Variants in HYOU1 observed in about 807,000 individuals in gnomAD.
HYOU1 encodes the protein hypoxia up-regulated protein 1.
HYOU1 carries 40 observed loss-of-function variants against 120.5 expected under a neutral mutation model. That is an observed-to-expected ratio of 0.33 (90% CI 0.26 to 0.43). The LOEUF is 0.43. HYOU1 is among the 20% of genes least tolerant of loss of function. The pLI is 1.00. For missense variants in HYOU1, 1,085 were observed against 1,278.3 expected (o/e 0.85, Z 2.31); for synonymous variants, 501 against 479.4 (o/e 1.05, Z -0.59).
intron 6 of HYOU1, 95 bp from the exon 7 acceptor site, chr11:119,054,770 T>C: frequency 3.0e-6 from 4 of 1,333,638 alleles, no homozygotes; most frequent in Non-Finnish European, 4.1e-6. Flanking sequence ...TAGGTAATTC[T>C]GTGTTGTGGG....
chr11:119,052,141 C>A lies in HYOU1; in HGVS notation c.1154G>T (p.Gly385Val). 6.2e-7 allele frequency: 1 copy of A among 1,614,162 alleles called. No homozygotes were observed. Among genetic ancestry groups the A allele is most frequent in the Non-Finnish European group, 8.5e-7 (1 of 1,180,016 alleles). ...CTGAACTCTGGGGACCCGAGTGGCC[C>A]CACCCACCAGGATCACCTGCTCAAT... is the stretch of plus-strand genomic sequence containing the variant. Reference protein sequence around the residue: ...DEIEQVILVGGATRVPRVQEV... With the variant: ...DEIEQVILVGVATRVPRVQEV... Residue 385 changes from glycine to valine, a missense_variant, in exon 11 of 26, where the codon GGG (glycine) becomes GTG (valine). This residue lies in a region of HYOU1 where 515 missense variants were observed against 677.8 expected (regional missense o/e 0.76). Coordinates refer to ENST00000617285, the MANE Select transcript of HYOU1 (RefSeq NM_006389.5). The surrounding 1 kb of genome is among the most constrained non-coding windows in gnomAD (Gnocchi z 5.0).
intron 7 of HYOU1, 48 bp from the exon 8 acceptor site, chr11:119,054,284 G>A: frequency 6.7e-7 from 1 of 1,490,830 alleles, no homozygotes; most frequent in Non-Finnish European, 9.3e-7. Flanking sequence ...TCAAACTCCA[G>A]GGGGCCTGCC....
chr11:119,046,692 C>A lies in HYOU1; in HGVS notation c.2706G>T (p.Val902=). The A allele has an allele frequency of 6.2e-7, 1 of 1,613,866 alleles. No homozygotes were observed. Among genetic ancestry groups the A allele is most frequent in the Non-Finnish European group, 8.5e-7 (1 of 1,180,038 alleles). Residue 902 remains valine (V), a synonymous_variant, in exon 23 of 26, where the codon GTG becomes GTT. Coordinates refer to ENST00000617285, the MANE Select transcript of HYOU1 (RefSeq NM_006389.5). The part of the protein sequence containing the change: ...EAKMMALDRE[V]QYLLNKAKFT... ...ACTTGGCCTTATTGAGCAGATACTG[C>A]ACCTCTCGGTCCAGGGCCATCATCT...
intron 2 of HYOU1, 63 bp downstream of exon 2, chr11:119,056,007 A>C (rs954184468): frequency 3.6e-5 from 54 of 1,496,306 alleles, no homozygotes; most frequent in Non-Finnish European, 4.9e-5. Context: ...CCCCAAGCTC[A>C]ATTCCCATCA....
rs2133589414 is a variant in HYOU1, at chr11:119,051,983, C to T, written c.1206-32G>A. 16 of 1,613,434 alleles carry T rather than the reference C, an allele frequency of 9.9e-6. No homozygotes were observed. The South Asian group carries it at 1.4e-4, about 14-fold the overall frequency. ...AAGCCCCAAGCCTCAGCACGGTCTA[C>T]CCTGGAGCATGCAACCGGGACTTCC... On this transcript the variant is annotated intron_variant, in intron 11 of 25. Transcript: ENST00000617285. The surrounding 1 kb of genome is among the most constrained non-coding windows in gnomAD (Gnocchi z 4.2).
chr11:119,055,823 C>G lies in HYOU1; in HGVS notation c.112G>C (p.Val38Leu). 6.2e-7 allele frequency: 1 copy of G among 1,614,126 alleles called. No homozygotes were observed. Among genetic ancestry groups the G allele is most frequent in the Non-Finnish European group, 8.5e-7 (1 of 1,179,944 alleles). Reference sequence around the variant, plus strand: ...TTCATGGACTCACTGCCCAGGTCCACAGACATCACTGCCAGTGTATCTGAA... The same window carrying G: ...TTCATGGACTCACTGCCCAGGTCCAGAGACATCACTGCCAGTGTATCTGAA... ...ALSDTLAVMS[V>L]DLGSESMKVA... The change falls in exon 3 of 26, where the codon GTG becomes CTG. Residue 38 changes from valine to leucine, a missense_variant. This residue lies in a region of HYOU1 where 45 missense variants were observed against 49.2 expected (regional missense o/e 0.91). Transcript: ENST00000617285. This position sits in a 1 kb window ranked among gnomAD's most constrained non-coding sequence, Gnocchi z 4.0.
At position 119,049,146 on chromosome 11, in the gene HYOU1, G is replaced by A; in HGVS notation, c.1864C>T (p.Leu622Phe). The A allele has an allele frequency of 6.2e-7, 1 of 1,613,088 alleles. No individual in the cohort carries two copies. Among genetic ancestry groups the A allele is most frequent in the Non-Finnish European group, 8.5e-7 (1 of 1,179,494 alleles). ...SKDEPGEQVE[L>F]KEEAEAPVED... ...ACTGGGGCCTCAGCTTCCTCCTTGA[G>A]CTCCACCTGCTCCCCAGGCTCGTCC... Residue 622 changes from leucine to phenylalanine, a missense_variant, in exon 17 of 26, where the codon CTC becomes TTC. By Grantham distance (22) the Leu-to-Phe change is conservative (BLOSUM62 0). This residue lies in a region of HYOU1 where 516 missense variants were observed against 517.1 expected (regional missense o/e 1.00). Coordinates refer to ENST00000617285, the MANE Select transcript of HYOU1 (RefSeq NM_006389.5).
chr11:119,052,004 C>T lies in HYOU1; in HGVS notation c.1206-53G>A. On this transcript the variant is annotated intron_variant, in intron 11 of 25. Coordinates refer to ENST00000617285, the MANE Select transcript of HYOU1 (RefSeq NM_006389.5). This position sits in a 1 kb window ranked among gnomAD's most constrained non-coding sequence, Gnocchi z 5.0. The stretch of plus-strand genomic sequence containing the variant: ...TCTACCCTGGAGCATGCAACCGGGA[C>T]TTCCCTCCCCTCAGCCCTCCAGCTG... 1 of 1,612,908 alleles carries T rather than the reference C, an allele frequency of 6.2e-7. No individual in the cohort carries two copies. Among genetic ancestry groups the T allele is most frequent in the Non-Finnish European group, 8.5e-7 (1 of 1,178,996 alleles).
In HYOU1 at chr11:119,055,945, C is replaced by T. The variant is rs1469603647; in HGVS notation, c.92-102G>A. On this transcript the variant is annotated intron_variant, in intron 2 of 25. Transcript: ENST00000617285. This position sits in a 1 kb window ranked among gnomAD's most constrained non-coding sequence, Gnocchi z 4.0. ...ACTTTCCATGGGTAAACGAAGATGG[C>T]AAAAGACAAAAAGGCCTGGACCTAA... 7.2e-7 allele frequency: 1 copy of T among 1,382,222 alleles called. No homozygotes were observed. Among genetic ancestry groups the T allele is most frequent in the East Asian group, 2.3e-5 (1 of 43,652 alleles). The allele number at this position is 1,382,222 out of a possible 1,614,324, so 85.6% of individuals were successfully genotyped here. A position where few individuals can be genotyped will look rare whatever the true frequency, so the allele number is the denominator to read the frequency against.
Position 119,054,534 on chromosome 11 carries a change from T to C in HYOU1, c.638A>G (p.Tyr213Cys), listed in dbSNP as rs2133605685. ...INDNTATALS[Y>C]GVFRRKDINT... ...AATATCTTTCCGGCGGAAGACACCA[T>C]AGCTGAGGGCAGTGGCGGTGTTGTC... is the stretch of plus-strand genomic sequence containing the variant. Residue 213 changes from tyrosine to cysteine, a missense_variant, in exon 7 of 26, where the codon TAT becomes TGT. Physicochemically the swap from Tyr to Cys is radical, Grantham distance 194. This residue lies in a region of HYOU1 where 515 missense variants were observed against 677.8 expected (regional missense o/e 0.76). Transcript: ENST00000617285. 1.1e-5 allele frequency: 17 copies of C among 1,614,148 alleles called. No individual in the cohort carries two copies. The highest frequency in any genetic ancestry group is 1.4e-5 in the Non-Finnish European group (17 of 1,180,034).
Position 119,052,536 on chromosome 11 carries a change from G to T in HYOU1, c.987+101C>A. 6.3e-7 allele frequency: 1 copy of T among 1,578,232 alleles called. No homozygotes were observed. The highest frequency in any genetic ancestry group is 8.6e-7 in the Non-Finnish European group (1 of 1,157,464). On this transcript the variant is annotated intron_variant, in intron 9 of 25. Transcript: ENST00000617285. The surrounding 1 kb of genome is among the most constrained non-coding windows in gnomAD (Gnocchi z 5.0). ...GTCTTTGGGAGGATGGTAGCGGGAG[G>T]AGCATGGGCCATGCCAGGCACGAGC...
chr11:119,048,650 C>G lies in HYOU1; in HGVS notation c.2165+64G>C. Reference sequence around the variant, plus strand: ...TCCGACAGCCCTCCCTCCCAGGGCGCCATCCCACATCCTGCCCACCTTGCA... The same window carrying G: ...TCCGACAGCCCTCCCTCCCAGGGCGGCATCCCACATCCTGCCCACCTTGCA... On this transcript the variant is annotated intron_variant, in intron 18 of 25. Transcript: ENST00000617285. The surrounding 1 kb of genome is among the most constrained non-coding windows in gnomAD (Gnocchi z 4.7). The G allele has an allele frequency of 6.8e-6, 11 of 1,606,802 alleles. No homozygotes were observed. In the South Asian group the frequency reaches 1.2e-4, roughly 18 times the overall value.
Position 119,055,804 on chromosome 11 carries a change from G to T in HYOU1, c.131C>A (p.Ser44Tyr). The T allele has an allele frequency of 6.2e-7, 1 of 1,614,110 alleles. No homozygotes were observed. Among genetic ancestry groups the T allele is most frequent in the Non-Finnish European group, 8.5e-7 (1 of 1,179,976 alleles). Residue 44 changes from serine (S) to tyrosine (Y), a missense_variant, in exon 3 of 26, where the codon TCC (serine) becomes TAC (tyrosine). This residue lies in a region of HYOU1 where 9 missense variants were observed against 34.3 expected (regional missense o/e 0.26). Coordinates refer to ENST00000617285, the MANE Select transcript of HYOU1 (RefSeq NM_006389.5). This position sits in a 1 kb window ranked among gnomAD's most constrained non-coding sequence, Gnocchi z 4.0. ...AGGTTTGACAATGGCCACCTTCATG[G>T]ACTCACTGCCCAGGTCCACAGACAT... is the stretch of plus-strand genomic sequence containing the variant. ...AVMSVDLGSE[S>Y]MKVAIVKPGV...
intron 22 of HYOU1, chr11:119,047,327 G>T (rs1944145855): frequency 4.5e-6 from 1 of 219,990 alleles, no homozygotes; most frequent in Non-Finnish European, 9.1e-6. Flanking sequence ...GATTACAGGC[G>T]TGAGCCACCG....
chr11:119,055,188 C>T lies in HYOU1; in HGVS notation c.416G>A (p.Ser139Asn). Residue 139 changes from serine (S) to asparagine (N), a missense_variant, in exon 5 of 26, where the codon AGC (serine) becomes AAC (asparagine). Physicochemically the swap from Ser to Asn is conservative, Grantham distance 46. Around this residue, in one of 4 missense-constraint regions of HYOU1, gnomAD observed 515 missense variants for 677.8 expected, o/e 0.76. Coordinates refer to ENST00000617285, the MANE Select transcript of HYOU1 (RefSeq NM_006389.5). The surrounding 1 kb of genome is among the most constrained non-coding windows in gnomAD (Gnocchi z 4.0). ...PQRQTVHFQI[S>N]SQLQFSPEEV... ...CCTTCCCCAACAGAGCACTCACGAG[C>T]TGATCTGAAAGTGCACAGTCTGCCT... The T allele has an allele frequency of 1.9e-6, 3 of 1,613,056 alleles. No homozygotes were observed. The South Asian group carries it at 3.3e-5, about 18-fold the overall frequency.
In HYOU1 at chr11:119,055,846, G is replaced by A. The variant is rs1466151837; in HGVS notation, c.92-3C>T. 2 of 1,612,898 alleles carry A rather than the reference G, an allele frequency of 1.2e-6. No individual in the cohort carries two copies. The highest frequency in any genetic ancestry group is 1.7e-6 in the Non-Finnish European group (2 of 1,178,972). ...CACAGACATCACTGCCAGTGTATCT[G>A]AAGGGAAAAGAGGTTTGTCAGTTAG... On this transcript the variant is annotated splice_region_variant and splice_polypyrimidine_tract_variant and intron_variant, in intron 2 of 25. Coordinates refer to ENST00000617285, the MANE Select transcript of HYOU1 (RefSeq NM_006389.5). The surrounding 1 kb of genome is among the most constrained non-coding windows in gnomAD (Gnocchi z 4.0).
At chr11:119,056,998 C>T (rs2133619472) in intron 1 of HYOU1, 22 bp downstream of exon 1, 7 of 152,346 alleles carry the variant, frequency 4.6e-5, no homozygotes, top group African/African-American at 1.7e-4. Context: ...GGCCGGCCCG[C>T]ACCTCCATCC....
Position 119,049,341 on chromosome 11 carries a change from T to G in HYOU1, c.1807-138A>C, listed in dbSNP as rs2133572186. The G allele has an allele frequency of 2.6e-6, 4 of 1,554,620 alleles. No individual in the cohort carries two copies. In the East Asian group the frequency reaches 7.2e-5, roughly 28 times the overall value. ...AACGGTCAATGGCCTGCTTGGACTG[T>G]GGCAATCTAGCTGGACAAAGGAAGA... On this transcript the variant is annotated intron_variant, in intron 16 of 25. Transcript: ENST00000617285.
At position 119,051,806 on chromosome 11, in the gene HYOU1, C is replaced by T; in HGVS notation, c.1338+13G>A. ...AAAGGGAGCTTGTCACCTGCTCAGT[C>T]AGGCTCACTCACCAGGATGGGGTAG... On this transcript the variant is annotated intron_variant, in intron 12 of 25. Coordinates refer to ENST00000617285, the MANE Select transcript of HYOU1 (RefSeq NM_006389.5). The surrounding 1 kb of genome is among the most constrained non-coding windows in gnomAD (Gnocchi z 4.2). 6.2e-7 allele frequency: 1 copy of T among 1,614,024 alleles called. No individual in the cohort carries two copies. The highest frequency in any genetic ancestry group is 8.5e-7 in the Non-Finnish European group (1 of 1,179,888).
Sources: allele counts gnomAD v4.1 joint callset, GRCh38; gene constraint gnomAD v4.1.1; regional missense constraint gnomAD v4.1.1; non-coding constraint Gnocchi (gnomAD v3.1); transcripts MANE v1.5; gene names NCBI Gene and HGNC (gene_info 2026-07-23, HGNC 2026-07-21).